Variants in ANKLE2 observed in about 807,000 individuals in gnomAD.
The protein encoded by ANKLE2 is ankyrin repeat and LEM domain-containing protein 2.
In ANKLE2, 55 loss-of-function variants were observed where a neutral mutation model predicts 84.2. The ratio of observed to expected loss-of-function variants is 0.65; its 90% CI spans 0.53 to 0.82. ANKLE2 has a LOEUF of 0.82. Among genes scored for constraint, ANKLE2 ranks in the 40% least tolerant of loss-of-function variants. ANKLE2 has a pLI of 0.00. For missense variants in ANKLE2, 1,238 were observed against 1,201.9 expected, an observed-to-expected ratio of 1.03 and a Z score of -0.44; for synonymous variants, 551 against 486.1, an observed-to-expected ratio of 1.13 and a Z score of -1.76.
chr12:132,749,389 G>C (rs1322275540), intron 3 of ANKLE2, among the ~76,000 whole-genome samples: 4 of 152,072 alleles, frequency 2.6e-5, no homozygotes, highest in African/African-American at 9.7e-5. Flanking sequence ...CTCCTGACCT[G>C]AGATGATCCA....
intron 2 of ANKLE2, among the ~76,000 whole-genome samples, chr12:132,753,640 C>T (rs1488950211): frequency 2.0e-5 from 3 of 151,998 alleles, no homozygotes; most frequent in Non-Finnish European, 2.9e-5. Context: ...GGTATGGTGG[C>T]GGGCGCCTGT....
intron 2 of ANKLE2, among the ~76,000 whole-genome samples, chr12:132,754,074 CT>C (rs1269220183): frequency 1.3e-5 from 2 of 151,374 alleles, no homozygotes; most frequent in Non-Finnish European, 2.9e-5. Flanking sequence ...AACCCCGTCT[CT>C]ACTAAAAATA....
rs1156680901 is a variant in ANKLE2, at chr12:132,750,741, G to C, written c.749C>G (p.Ala250Gly). The stretch of plus-strand genomic sequence containing the variant: ...AGGGAAATAATCACAAATTCCTCTA[G>C]CAAATTTCTCAGCGTCTTCTCTGGT... Reference protein sequence around the residue: ...FSTREDAEKFARGICDYFPSP... With the variant: ...FSTREDAEKFGRGICDYFPSP... Residue 250 changes from alanine (A) to glycine (G), a missense_variant, in exon 3 of 13, where the codon GCT (alanine) becomes GGT (glycine). Physicochemically the swap from Ala to Gly is moderately conservative, Grantham distance 60. Around this residue, in one of 3 missense-constraint regions of ANKLE2, gnomAD observed 422 missense variants for 394.5 expected, o/e 1.07. Coordinates refer to ENST00000357997, the MANE Select transcript of ANKLE2 (RefSeq NM_015114.3). The C allele has an allele frequency of 6.2e-7, 1 of 1,614,108 alleles. No individual in the cohort carries two copies. Among genetic ancestry groups the C allele is most frequent in the Non-Finnish European group, 8.5e-7 (1 of 1,180,054 alleles).
Position 132,727,388 on chromosome 12 carries a change from CA to C in ANKLE2, c.2670del (p.Ser890ArgfsTer72). ...GRFKSQLPDL[S>X]GPHSYSPGRN... The stretch of plus-strand genomic sequence containing the variant: ...CTCCCCGGACTGTAGCTGTGAGGGC[CA>C]CTGAGATCTGGCAGCTGAGACTTGA... On this transcript the variant is annotated frameshift_variant, in exon 13 of 13. Transcript: ENST00000357997. LOFTEE classifies it low-confidence loss of function (END_TRUNC). 2 of 1,561,480 alleles carry C rather than the reference CA, an allele frequency of 1.3e-6. No individual in the cohort carries two copies. Among genetic ancestry groups the C allele is most frequent in the Non-Finnish European group, 1.7e-6 (2 of 1,152,724 alleles).
Position 132,743,087 on chromosome 12 carries a change from C to A in ANKLE2, c.1353+67G>T. 1 of 1,470,562 alleles carries A rather than the reference C, an allele frequency of 6.8e-7. No homozygotes were observed. The highest frequency in any genetic ancestry group is 9.1e-7 in the Non-Finnish European group (1 of 1,093,302). The allele number at this position is 1,470,562 out of a possible 1,614,324, so 91.1% of individuals were successfully genotyped here. ...TGTGGCTTCCCTGTGCCTGTGATCA[C>A]AGACTGTAAATTTATATATTTCCAT... On this transcript the variant is annotated intron_variant, in intron 6 of 12. Coordinates refer to ENST00000357997, the MANE Select transcript of ANKLE2 (RefSeq NM_015114.3). The surrounding 1 kb of genome is among the most constrained non-coding windows in gnomAD (Gnocchi z 4.1).
rs2044083470 is a variant in ANKLE2 at position 132,739,703 on chromosome 12, G to A, written c.1420+1716C>T. ...AGTCCTTCCTCATCTTCACACAAGC[G>A]TGGGTCTCTCTCTGAGTGACGGGAA... On this transcript the variant is annotated intron_variant, in intron 7 of 12. Coordinates refer to ENST00000357997, the MANE Select transcript of ANKLE2 (RefSeq NM_015114.3). Among the ~76,000 whole-genome samples the A allele has an allele frequency of 2.6e-5, 4 of 152,170 alleles. No individual in the cohort carries two copies. In the South Asian group the frequency reaches 6.2e-4, roughly 24 times the overall value.
intron 1 of ANKLE2, chr12:132,760,379 C>T (rs187243201): frequency 8.5e-5 from 13 of 152,324 alleles, no homozygotes; most frequent in African/African-American, 3.1e-4. Context: ...TGGGTGTCGT[C>T]TGTCATCCTA....
chr12:132,749,368 C>T (rs1223628629), intron 3 of ANKLE2, among the ~76,000 whole-genome samples: 33 of 152,150 alleles, frequency 2.2e-4, no homozygotes, highest in Admixed American at 2.2e-3. Context: ...GTAGGCCAGG[C>T]TGGTCTCAAA....
At position 132,755,150 on chromosome 12, in the gene ANKLE2, A is replaced by T. The variant is rs766143755; in HGVS notation, c.182-17T>A. On this transcript the variant is annotated splice_polypyrimidine_tract_variant and intron_variant, in intron 1 of 12. Coordinates refer to ENST00000357997, the MANE Select transcript of ANKLE2 (RefSeq NM_015114.3). Reference sequence around the variant, plus strand: ...TCATTTCACCTAGGCCCAAGACAAAAAAATCAAAGAGTCACAAAATACTAA... The same window carrying T: ...TCATTTCACCTAGGCCCAAGACAAATAAATCAAAGAGTCACAAAATACTAA... 6.3e-7 allele frequency: 1 copy of T among 1,575,532 alleles called. No homozygotes were observed. The highest frequency in any genetic ancestry group is 1.2e-5 in the South Asian group (1 of 86,184).
intron 1 of ANKLE2, chr12:132,760,721 A>T (rs965130363): frequency 6.6e-6 from 1 of 152,220 alleles, no homozygotes; most frequent in African/African-American, 2.4e-5. Context: ...ACCCCCACGT[A>T]CTATCTGGAA....
chr12:132,751,250 ATT>A (rs945134583), intron 2 of ANKLE2: 3 of 151,402 alleles, frequency 2.0e-5, no homozygotes, highest in East Asian at 1.9e-4. Flanking sequence ...TTTTTACTTT[ATT>A]TTTTTTTTTG....
At chr12:132,739,124 G>C (rs2044071343) in intron 7 of ANKLE2, among the ~76,000 whole-genome samples, 1 of 152,108 alleles carries the variant, frequency 6.6e-6, no homozygotes, top group South Asian at 2.1e-4. Context: ...GGAGTGAGGA[G>C]GAGGGAGAGG....
chr12:132,728,954 C>CA (rs2136101309), intron 11 of ANKLE2, among the ~76,000 whole-genome samples: 1 of 152,200 alleles, frequency 6.6e-6, no homozygotes, highest in East Asian at 1.9e-4. Flanking sequence ...AAATAACAGC[C>CA]AACACTAGGA....
chr12:132,735,565 T>A lies in ANKLE2; in HGVS notation c.1594-53A>T, dbSNP rs2043991823. The A allele has an allele frequency of 4.8e-6, 7 of 1,461,718 alleles. No individual in the cohort carries two copies. The Admixed American group carries it at 1.3e-4, about 27-fold the overall frequency. 90.5% of individuals were successfully genotyped at this position (1,461,718 alleles called of 1,614,324 possible). On this transcript the variant is annotated intron_variant, in intron 8 of 12. Coordinates refer to ENST00000357997, the MANE Select transcript of ANKLE2 (RefSeq NM_015114.3). ...CGTGTCAGGCACTGCGCCCCTCAGC[T>A]GCGGAAACCTGAAGAGCCGTCGTCA...
rs2136145152 is a variant in ANKLE2 at position 132,743,207 on chromosome 12, G to A, written c.1300C>T (p.His434Tyr). ...NADVVNVLSS[H>Y]HLIVKNSRNK... ...CTTGAGTTTTTTACAATCAAATGGT[G>A]TGACGAAAGCACGTTGACTACATCT... Residue 434 changes from histidine to tyrosine, a missense_variant, in exon 6 of 13, where the codon CAC becomes TAC. Physicochemically the swap from His to Tyr is moderately conservative, Grantham distance 83 (BLOSUM62 2). This residue lies in a region of ANKLE2 where 802 missense variants were observed against 774.5 expected (regional missense o/e 1.04). Transcript: ENST00000357997. The surrounding 1 kb of genome is among the most constrained non-coding windows in gnomAD (Gnocchi z 4.1). 1 of 1,612,154 alleles carries A rather than the reference G, an allele frequency of 6.2e-7. No homozygotes were observed. Among genetic ancestry groups the A allele is most frequent in the Non-Finnish European group, 8.5e-7 (1 of 1,179,080 alleles).
intron 1 of ANKLE2, chr12:132,758,312 G>A (rs1385648512): frequency 6.6e-6 from 1 of 152,150 alleles, no homozygotes; most frequent in Non-Finnish European, 1.5e-5. Context: ...CAGCAGGCTA[G>A]GTGGGAGAAT....
intron 5 of ANKLE2, among the ~76,000 whole-genome samples, chr12:132,746,218 G>A (rs974528040): frequency 7.9e-5 from 12 of 152,012 alleles, no homozygotes; most frequent in South Asian, 4.1e-4. Flanking sequence ...GCATGGTGGC[G>A]GGTGCCTGTA....
chr12:132,736,977 G>A lies in ANKLE2; in HGVS notation c.1509C>T (p.Ala503=), dbSNP rs1175316672. Residue 503 remains alanine, a synonymous_variant, in exon 8 of 13, where the codon GCC becomes GCT. Coordinates refer to ENST00000357997, the MANE Select transcript of ANKLE2 (RefSeq NM_015114.3). The part of the protein sequence containing the change: ...ELWSPDQTAE[A]SHVSRYGGSP... The stretch of plus-strand genomic sequence containing the variant: ...TGCCTCCATAGCGGCTGACGTGAGA[G>A]GCCTCAGCCGTCTGGTCTGGGGACC... The A allele has an allele frequency of 1.2e-6, 2 of 1,613,882 alleles. No individual in the cohort carries two copies. The highest frequency in any genetic ancestry group is 1.7e-4 in the Middle Eastern group (1 of 6,058).
At position 132,733,256 on chromosome 12, in the gene ANKLE2, G is replaced by A. The variant is rs376974694; in HGVS notation, c.1891+1129C>T. 1.3e-4 allele frequency among the ~76,000 whole-genome samples: 17 copies of A among 131,504 alleles called. No homozygotes were observed. In the South Asian group the frequency reaches 2.6e-3, roughly 20 times the overall value. The allele number at this position is 131,504 out of a possible 152,430, so 86.3% of individuals were successfully genotyped here. The stretch of plus-strand genomic sequence containing the variant: ...ATATGCACCGTGTGAAGCACTGCGC[G>A]TCCTGGTGTCTGATATGCACCGTGT... On this transcript the variant is annotated intron_variant, in intron 10 of 12. Coordinates refer to ENST00000357997, the MANE Select transcript of ANKLE2 (RefSeq NM_015114.3).
Sources: gnomAD v4.1 joint callset for allele counts (sites outside exome capture counted in the v4.1 genomes callset) on GRCh38, gnomAD v4.1.1 for gene constraint, gnomAD v4.1.1 regional missense constraint, Gnocchi (gnomAD v3.1) non-coding constraint, MANE v1.5 for transcripts, NCBI Gene and HGNC (gene_info 2026-07-23, HGNC 2026-07-21) for gene names.